Variants in KIAA1217 observed in about 807,000 individuals in gnomAD.
KIAA1217 encodes KIAA1217, also known as sickle tail protein homolog.
In KIAA1217, 88 loss-of-function variants were observed where a neutral mutation model predicts 163.9. The observed-to-expected ratio is 0.54, with a 90% CI of 0.45 to 0.64. The LOEUF (loss-of-function observed/expected upper bound fraction) is 0.64. Ranked by LOEUF, KIAA1217 falls within the 30% of genes least tolerant of loss-of-function variation. The pLI is 0.00. For synonymous variants in KIAA1217, 903 were observed against 923.1 expected (o/e 0.98, Z 0.39); for missense variants, 2,372 against 2,475.0 (o/e 0.96, Z 0.88).
At chr10:23,733,827 T>G (rs949627414) in intron 1 of KIAA1217, among the ~76,000 whole-genome samples, 1 of 152,212 alleles carries the variant, frequency 6.6e-6, no homozygotes, top group Non-Finnish European at 1.5e-5. Context: ...CTGCTTCAAT[T>G]ATCATTTTTG....
chr10:24,049,091 T>C (rs1344032011), intron 2 of KIAA1217, among the ~76,000 whole-genome samples: 1 of 146,842 alleles, frequency 6.8e-6, no homozygotes, highest in Non-Finnish European at 1.5e-5. Context: ...GTAATAAATA[T>C]AAGTAATTCT....
At chr10:24,536,717 C>T (rs2074070046) in intron 16 of KIAA1217, 57 bp from the exon 17 acceptor site, 4 of 1,580,416 alleles carry the variant, frequency 2.5e-6, no homozygotes, top group Non-Finnish European at 1.7e-6. Flanking sequence ...GCCTGTTTCC[C>T]TCCATTCTCC....
At chr10:23,818,423 T>G (rs922544580) in intron 1 of KIAA1217, among the ~76,000 whole-genome samples, 4 of 149,112 alleles carry the variant, frequency 2.7e-5, no homozygotes, top group Non-Finnish European at 5.9e-5. Flanking sequence ...AAGGGACTAA[T>G]TAGACCCAAA....
At chr10:23,953,786 G>T (rs1844442087) in intron 1 of KIAA1217, among the ~76,000 whole-genome samples, 1 of 152,190 alleles carries the variant, frequency 6.6e-6, no homozygotes, top group South Asian at 2.1e-4. Flanking sequence ...TTGTTGTACT[G>T]ATTAATGGAT....
chr10:24,035,919 G>A (rs191973783), intron 2 of KIAA1217, among the ~76,000 whole-genome samples: 8 of 152,324 alleles, frequency 5.3e-5, no homozygotes, highest in Admixed American at 2.0e-4. Flanking sequence ...GATCCTCAGA[G>A]CCAGCCCCCA....
chr10:24,444,104 G>A (rs759723046), intron 5 of KIAA1217, among the ~76,000 whole-genome samples: 1 of 152,020 alleles, frequency 6.6e-6, no homozygotes, highest in South Asian at 2.1e-4. Flanking sequence ...TCTGCCTCCC[G>A]TGTTCAAGCA....
intron 2 of KIAA1217, among the ~76,000 whole-genome samples, chr10:24,115,182 A>G (rs1291980532): frequency 1.3e-5 from 2 of 152,228 alleles, no homozygotes; most frequent in Admixed American, 6.5e-5. Context: ...TACCTGGCTC[A>G]GTGCTTTACC....
At chr10:24,285,213 A>T (rs2132312590) in intron 2 of KIAA1217, among the ~76,000 whole-genome samples, 1 of 152,340 alleles carries the variant, frequency 6.6e-6, no homozygotes, top group Admixed American at 6.5e-5. Flanking sequence ...TTTGCTGTGC[A>T]GAAGCTCTTC....
intron 1 of KIAA1217, among the ~76,000 whole-genome samples, chr10:23,906,554 C>T (rs557634937): frequency 6.6e-6 from 1 of 151,938 alleles, no homozygotes; most frequent in Admixed American, 6.6e-5. Context: ...TCACAAAATC[C>T]CCAGTTTGCA....
rs565150356 is a variant in KIAA1217, at chr10:24,375,955, ACAT to A, written c.355-4908_355-4906del. 1.2e-4 allele frequency among the ~76,000 whole-genome samples: 19 copies of A among 152,360 alleles called. 2 individuals carry two copies. The South Asian group carries it at 3.9e-3, about 32-fold the overall frequency. ...GGGTCTGAAAACGGGAATGAAAAAT[ACAT>A]CATCAATACCTCTAGCTCTAACTTT... On this transcript the variant is annotated intron_variant, in intron 2 of 20. Coordinates refer to ENST00000376454, the MANE Select transcript of KIAA1217 (RefSeq NM_019590.5).
rs184506492 is a variant in KIAA1217, at chr10:24,283,774, C to A, written c.354+63865C>A. Among the ~76,000 whole-genome samples the A allele has an allele frequency of 2.6e-3, 399 of 152,268 alleles. 5 individuals are homozygous for A. The highest frequency in any genetic ancestry group is 8.9e-3 in the African/African-American group (369 of 41,550). ...AATGAGAGTTCCTGTTGCTCTGCATCCTGGTCAGCATTTGATATTATCATT... is the reference window on the plus strand; with the variant it reads ...AATGAGAGTTCCTGTTGCTCTGCATACTGGTCAGCATTTGATATTATCATT... On this transcript the variant is annotated intron_variant, in intron 2 of 20. Transcript: ENST00000376454.
At chr10:24,530,971 G>T (rs1044411677) in intron 14 of KIAA1217, among the ~76,000 whole-genome samples, 1 of 152,058 alleles carries the variant, frequency 6.6e-6, no homozygotes, top group South Asian at 2.1e-4. Flanking sequence ...GAGGCAGACA[G>T]ATTGCTTGAT....
chr10:24,392,514 A>G (rs1009121061), intron 3 of KIAA1217, among the ~76,000 whole-genome samples: 1 of 152,212 alleles, frequency 6.6e-6, no homozygotes, highest in Non-Finnish European at 1.5e-5. Flanking sequence ...TTTAGCCCTC[A>G]GATGGTTGGT....
chr10:24,272,208 G>T (rs1228673537), intron 2 of KIAA1217, among the ~76,000 whole-genome samples: 1 of 152,178 alleles, frequency 6.6e-6, no homozygotes, highest in Non-Finnish European at 1.5e-5. Context: ...GATTACTAGG[G>T]AAGTCACTAC....
intron 2 of KIAA1217, among the ~76,000 whole-genome samples, chr10:24,067,453 C>T (rs1009111967): frequency 6.6e-6 from 1 of 152,168 alleles, no homozygotes; most frequent in Admixed American, 6.5e-5. Context: ...GGCTGCAGAA[C>T]AGCGGATATT....
intron 1 of KIAA1217, among the ~76,000 whole-genome samples, chr10:23,867,706 T>G (rs182605164): frequency 6.6e-6 from 1 of 152,318 alleles, no homozygotes; most frequent in African/African-American, 2.4e-5. Flanking sequence ...TTGTTTGTTT[T>G]TTTTCTTGTA....
chr10:24,091,081 T>C (rs2061921330), intron 2 of KIAA1217, among the ~76,000 whole-genome samples: 1 of 151,948 alleles, frequency 6.6e-6, no homozygotes, highest in South Asian at 2.1e-4. Context: ...AGTACTTCTG[T>C]ATAGAACCAT....
chr10:24,023,881 T>A (rs1454136776), intron 2 of KIAA1217, among the ~76,000 whole-genome samples: 1 of 151,636 alleles, frequency 6.6e-6, no homozygotes, highest in East Asian at 1.9e-4. Context: ...TTCCATGCGA[T>A]CCTATTTATA....
At chr10:24,035,291 C>T (rs1352083837) in intron 2 of KIAA1217, among the ~76,000 whole-genome samples, 5 of 152,106 alleles carry the variant, frequency 3.3e-5, no homozygotes, top group Non-Finnish European at 2.9e-5. Flanking sequence ...ACAATAAATG[C>T]TAGCAATTGT....
Sources: allele counts gnomAD v4.1 joint callset (sites outside exome capture counted in the v4.1 genomes callset), GRCh38; gene constraint gnomAD v4.1.1; transcripts MANE v1.5; gene names NCBI Gene and HGNC (gene_info 2026-07-23, HGNC 2026-07-21).